Variants in WDFY3 observed in about 807,000 individuals in gnomAD.
The protein encoded by WDFY3 is WD repeat and FYVE domain containing 3, also known as WD repeat and FYVE domain-containing protein 3.
Under a neutral mutation model 409.6 loss-of-function variants are expected in WDFY3, and 66 were observed. The observed-to-expected ratio is 0.16, with a 90% confidence interval of 0.13 to 0.20. The LOEUF is 0.20. Among genes scored for constraint, WDFY3 ranks in the 10% least tolerant of loss-of-function variants. WDFY3 has a pLI of 1.00. For synonymous variants in WDFY3, 1,521 were observed against 1,537.1 expected, an observed-to-expected ratio of 0.99 and a Z score of 0.25; for missense variants, 3,031 against 4,298.1, an observed-to-expected ratio of 0.71 and a Z score of 8.24.
rs2148866137 is a variant in WDFY3, at chr4:84,692,892, A to T, written c.9042T>A (p.Pro3014=). The part of the protein sequence containing the change: ...HLDNLRPSLT[P]VKELKEPVGQ... ...TATTTCTCATTATTTTACCTTTTACAGGTGTTAGAGAAGGCCTCAAGTTGT... is the reference window on the plus strand; with the variant it reads ...TATTTCTCATTATTTTACCTTTTACTGGTGTTAGAGAAGGCCTCAAGTTGT... Residue 3014 remains proline, a synonymous_variant, in exon 59 of 68, where the codon CCT becomes CCA. Coordinates refer to ENST00000295888, the MANE Select transcript of WDFY3 (RefSeq NM_014991.6). 6.2e-7 allele frequency: 1 copy of T among 1,600,764 alleles called. No homozygotes were observed.
chr4:84,811,051 G>A (rs6847564), intron 13 of WDFY3, among the ~76,000 whole-genome samples: 40,614 of 152,098 alleles, frequency 0.27, 6,175 homozygotes, highest in East Asian at 0.43. Context: ...AGCTTGGAGT[G>A]CTATGGCATG....
intron 17 of WDFY3, among the ~76,000 whole-genome samples, chr4:84,799,313 T>C (rs997164515): frequency 6.7e-6 from 1 of 149,558 alleles, no homozygotes; most frequent in Admixed American, 6.8e-5. Flanking sequence ...CACGCCACCA[T>C]GCTAGTTAAT....
chr4:84,875,852 C>G (rs1158400508), intron 3 of WDFY3, among the ~76,000 whole-genome samples: 5 of 152,272 alleles, frequency 3.3e-5, no homozygotes, highest in East Asian at 3.9e-4. Context: ...GACGATAACC[C>G]ATATGGAGCT....
intron 3 of WDFY3, among the ~76,000 whole-genome samples, chr4:84,873,763 G>T (rs139577646): frequency 1.3e-5 from 2 of 151,304 alleles, no homozygotes; most frequent in East Asian, 2.0e-4. Flanking sequence ...TGTCTTGTTC[G>T]TTTTTTTGTG....
chr4:84,823,836 G>A (rs1754444161), intron 10 of WDFY3, among the ~76,000 whole-genome samples: 1 of 152,094 alleles, frequency 6.6e-6, no homozygotes, highest in African/African-American at 2.4e-5. Context: ...GCAAAAATTG[G>A]ACAGCCACTT....
intron 1 of WDFY3, among the ~76,000 whole-genome samples, chr4:84,951,660 C>A (rs980416893): frequency 6.6e-6 from 1 of 152,090 alleles, no homozygotes; most frequent in Non-Finnish European, 1.5e-5. Flanking sequence ...GTAAGCCATG[C>A]CCGATGTTAA....
chr4:84,956,772 CA>C (rs1368401729), intron 1 of WDFY3, among the ~76,000 whole-genome samples: 4 of 151,976 alleles, frequency 2.6e-5, no homozygotes, highest in African/African-American at 9.7e-5. Context: ...TTAAGGCTTA[CA>C]AGTATCTGCT....
intron 8 of WDFY3, 143 bp downstream of exon 8, chr4:84,831,270 A>C (rs1269118136): frequency 3.1e-6 from 2 of 643,270 alleles, no homozygotes; most frequent in Non-Finnish European, 4.7e-6. Context: ...AGATGAAAAA[A>C]AATATTTTCT....
intron 4 of WDFY3, among the ~76,000 whole-genome samples, chr4:84,851,930 T>TA (rs1387518066): frequency 2.0e-5 from 3 of 151,044 alleles, no homozygotes; most frequent in Non-Finnish European, 4.4e-5. Context: ...AATAATAAAG[T>TA]AAAAAAATTG....
Position 84,704,892 on chromosome 4 carries a change from C to T in WDFY3, c.8336-448G>A, listed in dbSNP as rs867095954. Among the ~76,000 whole-genome samples, 35 of 152,308 alleles carry T rather than the reference C, an allele frequency of 2.3e-4. 1 individual carries two copies. The highest frequency in any genetic ancestry group is 4.1e-4 in the South Asian group (2 of 4,828). ...AGAGGGGGTGGGAAAAAAGAGTTCA[C>T]ATAGGACTACAAGCTTAGGCTTTCT... On this transcript the variant is annotated intron_variant, in intron 54 of 67. Transcript: ENST00000295888.
At chr4:84,798,440 G>A (rs536205141) in intron 17 of WDFY3, among the ~76,000 whole-genome samples, 32 of 152,188 alleles carry the variant, frequency 2.1e-4, no homozygotes, top group Admixed American at 1.4e-3. Context: ...CATACACAGT[G>A]TTAGTTTTAC....
At chr4:84,826,090 C>G (rs1754824707) in intron 10 of WDFY3, among the ~76,000 whole-genome samples, 1 of 152,034 alleles carries the variant, frequency 6.6e-6, no homozygotes, top group African/African-American at 2.4e-5. Flanking sequence ...AGCAGTTATA[C>G]TTCATGCTGT....
At chr4:84,736,405 A>G in intron 41 of WDFY3, 78 bp from the exon 42 acceptor site, 1 of 1,364,822 alleles carries the variant, frequency 7.3e-7, no homozygotes, top group Non-Finnish European at 9.7e-7. Context: ...TTATCTGGTT[A>G]TAAACTACAA....
At chr4:84,838,788 C>T (rs1315012794) in intron 6 of WDFY3, among the ~76,000 whole-genome samples, 1 of 152,168 alleles carries the variant, frequency 6.6e-6, no homozygotes, top group Non-Finnish European at 1.5e-5. Context: ...TCAAAGTTTA[C>T]TGAACTCCTC....
At chr4:84,920,963 C>A (rs1461922228) in intron 2 of WDFY3, among the ~76,000 whole-genome samples, 1 of 152,124 alleles carries the variant, frequency 6.6e-6, no homozygotes, top group Non-Finnish European at 1.5e-5. Context: ...TCATTCTACA[C>A]ACTGCTACAG....
rs1737575276 is a variant in WDFY3, at chr4:84,737,098, G to C, written c.6757+86C>G. On this transcript the variant is annotated intron_variant, in intron 41 of 67. Coordinates refer to ENST00000295888, the MANE Select transcript of WDFY3 (RefSeq NM_014991.6). ...GGATGACTTTATAGAATCCTTTTGTGAATGCTGTAGTCACATATTTAAAGT... is the reference window on the plus strand; with the variant it reads ...GGATGACTTTATAGAATCCTTTTGTCAATGCTGTAGTCACATATTTAAAGT... 5 of 1,399,142 alleles carry C rather than the reference G, an allele frequency of 3.6e-6. No individual in the cohort carries two copies. The Middle Eastern group carries it at 5.5e-4, about 154-fold the overall frequency. The allele number at this position is 1,399,142 out of a possible 1,614,324, so 86.7% of individuals were successfully genotyped here.
rs776022304 is a variant in WDFY3 at position 84,766,002 on chromosome 4, G to A, written c.4996C>T (p.Leu1666=). 7 of 1,613,820 alleles carry A rather than the reference G, an allele frequency of 4.3e-6. No homozygotes were observed. The South Asian group carries it at 5.5e-5, about 13-fold the overall frequency. ...AACATCATGATCCAGTCAAAACCCA[G>A]TGTCTTCACCAGTTCTTCACAAGCT... ...LQACEELVKT[L]GFDWIMMFME... is the part of the protein sequence containing the mutation. Residue 1666 remains leucine, a synonymous_variant, in exon 32 of 68, where the codon CTG becomes TTG. Coordinates refer to ENST00000295888, the MANE Select transcript of WDFY3 (RefSeq NM_014991.6).
In WDFY3 at chr4:84,705,569, C is replaced by T. The variant is rs537861146; in HGVS notation, c.8218-58G>A. 8.7e-5 allele frequency: 117 copies of T among 1,340,284 alleles called. No homozygotes were observed. In the East Asian group the frequency reaches 2.2e-3, roughly 25 times the overall value. 83.0% of individuals were successfully genotyped at this position (1,340,284 alleles called of 1,614,324 possible). A position where few individuals can be genotyped will look rare whatever the true frequency, so the allele number is the denominator to read the frequency against. On this transcript the variant is annotated intron_variant, in intron 53 of 67. Transcript: ENST00000295888. Reference sequence around the variant, plus strand: ...ACTATACACTATCTAGCCTCACTAACGTAGATACAGTGGCTGTTGTGGATG... The same window carrying T: ...ACTATACACTATCTAGCCTCACTAATGTAGATACAGTGGCTGTTGTGGATG...
chr4:84,756,898 C>A, intron 33 of WDFY3, 28 bp downstream of exon 33: 1 of 1,598,920 alleles, frequency 6.3e-7, no homozygotes, highest in South Asian at 1.1e-5. Context: ...TACGTAATTT[C>A]ACGCACCCCT....
Sources: gnomAD v4.1 joint callset for allele counts (sites outside exome capture counted in the v4.1 genomes callset) on GRCh38, gnomAD v4.1.1 for gene constraint, MANE v1.5 for transcripts, NCBI Gene and HGNC (gene_info 2026-07-23, HGNC 2026-07-21) for gene names.